PPARGC1A: variants seen among roughly 807,000 people sequenced by gnomAD.
PPARGC1A encodes the protein peroxisome proliferator-activated receptor gamma coactivator 1-alpha.
PPARGC1A carries 25 observed loss-of-function variants against 88.7 expected under a neutral mutation model. That is an observed-to-expected ratio of 0.28 (90% CI 0.21 to 0.39). The LOEUF (loss-of-function observed/expected upper bound fraction) is 0.39. Among genes scored for constraint, PPARGC1A ranks in the 10% least tolerant of loss-of-function variants. PPARGC1A has a pLI of 1.00. For synonymous variants in PPARGC1A, 363 were observed against 355.6 expected, an observed-to-expected ratio of 1.02 and a Z score of -0.24; for missense variants, 880 against 968.7, an observed-to-expected ratio of 0.91 and a Z score of 1.22.
the PPARGC1A span, among the ~76,000 whole-genome samples, chr4:24,275,015 T>C: frequency 2.0e-5 from 3 of 152,182 alleles, no homozygotes; most frequent in East Asian, 3.8e-4. Context: ...ACCAATCAGA[T>C]GAAAAAGAAA....
At chr4:24,224,008 T>C in the PPARGC1A span, among the ~76,000 whole-genome samples, 3 of 152,254 alleles carry the variant, frequency 2.0e-5, no homozygotes, top group Non-Finnish European at 4.4e-5. Flanking sequence ...AATGTTCTTA[T>C]TGATGATAAG....
At chr4:24,171,331 A>T in the PPARGC1A span, among the ~76,000 whole-genome samples, 1 of 152,038 alleles carries the variant, frequency 6.6e-6, no homozygotes, top group African/African-American at 2.4e-5. Context: ...CCTTGAACCC[A>T]GGAGGCAGAG....
At chr4:24,078,777 T>G in the PPARGC1A span, among the ~76,000 whole-genome samples, 1 of 152,148 alleles carries the variant, frequency 6.6e-6, no homozygotes, top group African/African-American at 2.4e-5. Context: ...GCTTTCAAAA[T>G]GTAGTTGGCA....
the PPARGC1A span, among the ~76,000 whole-genome samples, chr4:24,338,286 A>G: frequency 6.0e-4 from 92 of 152,288 alleles, 1 homozygote; most frequent in African/African-American, 2.1e-3. Flanking sequence ...TTTGGTTCAA[A>G]CTGAAAAGGC....
the PPARGC1A span, among the ~76,000 whole-genome samples, chr4:24,241,764 G>A: frequency 1.3e-5 from 2 of 152,266 alleles, no homozygotes; most frequent in Non-Finnish European, 1.5e-5. Flanking sequence ...CAGATGTTTC[G>A]GGAGGGGGGA....
chr4:23,812,928 A>G, intron 9 of PPARGC1A, 61 bp from the exon 10 acceptor site: 2 of 1,613,254 alleles, frequency 1.2e-6, no homozygotes, highest in Non-Finnish European at 1.7e-6. Flanking sequence ...AAAATGAATA[A>G]TAATATGGGG....
At chr4:24,426,677 G>T in the PPARGC1A span, among the ~76,000 whole-genome samples, 16 of 152,186 alleles carry the variant, frequency 1.1e-4, no homozygotes, top group Admixed American at 7.9e-4. Flanking sequence ...TTGCAGATGT[G>T]TAGCTTAGAA....
chr4:24,095,788 T>C, the PPARGC1A span, among the ~76,000 whole-genome samples: 1 of 152,184 alleles, frequency 6.6e-6, no homozygotes, highest in Non-Finnish European at 1.5e-5. Flanking sequence ...GCTGCTTCTC[T>C]GGAGGGTAGG....
chr4:23,892,899 G>T (rs1220896850), upstream of PPARGC1A, among the ~76,000 whole-genome samples: 2 of 152,068 alleles, frequency 1.3e-5, no homozygotes, highest in Admixed American at 1.3e-4. Flanking sequence ...ACGTCACTTG[G>T]ATCAACACCC....
At chr4:24,327,057 G>A in the PPARGC1A span, among the ~76,000 whole-genome samples, 4 of 152,062 alleles carry the variant, frequency 2.6e-5, no homozygotes, top group Non-Finnish European at 5.9e-5. Flanking sequence ...CAGACTAATG[G>A]TCTATTAAAA....
the PPARGC1A span, among the ~76,000 whole-genome samples, chr4:24,353,012 G>A: frequency 2.4e-4 from 36 of 152,188 alleles, no homozygotes; most frequent in Non-Finnish European, 2.2e-4. Flanking sequence ...GCTGATCACC[G>A]CCAACGTTCT....
the PPARGC1A span, among the ~76,000 whole-genome samples, chr4:24,079,496 G>A: frequency 6.6e-6 from 1 of 151,892 alleles, no homozygotes; most frequent in Admixed American, 6.6e-5. Context: ...ATCTTCATTT[G>A]TTAAAAGCAT....
the PPARGC1A span, among the ~76,000 whole-genome samples, chr4:24,387,762 GAGAGAGAA>G: frequency 0.036 from 2,597 of 72,502 alleles, 56 homozygotes; most frequent in Non-Finnish European, 0.044. Flanking sequence ...GAGAGAGAGA[GAGAGAGAA>G]AGAAAGAAAG....
At chr4:23,975,685 T>C in the PPARGC1A span, among the ~76,000 whole-genome samples, 1 of 152,316 alleles carries the variant, frequency 6.6e-6, no homozygotes. Flanking sequence ...CCCATAGTGC[T>C]GGAATTACAG....
chr4:24,067,977 G>T, the PPARGC1A span, among the ~76,000 whole-genome samples: 6 of 152,118 alleles, frequency 3.9e-5, no homozygotes, highest in African/African-American at 1.2e-4. Flanking sequence ...CTCCTGAAAT[G>T]GTGTGTGAGC....
the PPARGC1A span, among the ~76,000 whole-genome samples, chr4:24,439,046 T>A: frequency 6.6e-6 from 1 of 151,946 alleles, no homozygotes; most frequent in Non-Finnish European, 1.5e-5. Flanking sequence ...ACAAAATAAA[T>A]TGACATAAAA....
chr4:24,149,658 G>A, the PPARGC1A span, among the ~76,000 whole-genome samples: 2 of 152,172 alleles, frequency 1.3e-5, no homozygotes, highest in African/African-American at 2.4e-5. Flanking sequence ...TGGTCCAATA[G>A]ATGCAGATGT....
At chr4:24,387,830 A>AGAG in the PPARGC1A span, among the ~76,000 whole-genome samples, 1 of 96,618 alleles carries the variant, frequency 1.0e-5, no homozygotes, top group South Asian at 3.9e-4. Flanking sequence ...GAAAGAGAGA[A>AGAG]AGAGAGAAAG....
chr4:23,988,668 A>G, the PPARGC1A span, among the ~76,000 whole-genome samples: 1 of 151,754 alleles, frequency 6.6e-6, no homozygotes, highest in Admixed American at 6.6e-5. Context: ...TATGTAGAAC[A>G]GGCATTAAAT....
Sources: allele counts gnomAD v4.1 joint callset (sites outside exome capture counted in the v4.1 genomes callset), GRCh38; gene constraint gnomAD v4.1.1; transcripts MANE v1.5; gene names NCBI Gene and HGNC (gene_info 2026-07-23, HGNC 2026-07-21).